Variants in KCNA1 observed in about 807,000 individuals in gnomAD.
KCNA1 encodes potassium voltage-gated channel subfamily A member 1, also known as potassium channel, voltage gated shaker related subfamily A, member 1.
KCNA1 carries 19 observed loss-of-function variants against 28.8 expected under a neutral mutation model. The ratio of observed to expected loss-of-function variants is 0.66; its 90% CI spans 0.46 to 0.97. The LOEUF is 0.97. Among genes scored for constraint, KCNA1 ranks in the 50% least tolerant of loss-of-function variants. KCNA1 has a pLI of 0.00. For missense variants in KCNA1, 419 were observed against 659.7 expected (o/e 0.64, Z 4.00); for synonymous variants, 311 against 268.8 (o/e 1.16, Z -1.53).
rs932344877 is a variant in KCNA1, at chr12:4,917,293, G to A, written c.*4427G>A. The A allele has an allele frequency of 1.8e-5, 3 of 167,020 alleles. No individual in the cohort carries two copies. The highest frequency in any genetic ancestry group is 7.2e-5 in the African/African-American group (3 of 41,434). 10.3% of individuals were successfully genotyped at this position (167,020 alleles called of 1,614,324 possible). ...GAGGTGAACTCTCATTCACCATGTGGCATATTACTACCTGTATTTATATCA... is the reference window on the plus strand; with the variant it reads ...GAGGTGAACTCTCATTCACCATGTGACATATTACTACCTGTATTTATATCA... On this transcript the variant is annotated 3_prime_UTR_variant, in exon 2 of 2. Transcript: ENST00000382545.
chr12:4,917,823 C>G lies in KCNA1; in HGVS notation c.*4957C>G, dbSNP rs549454829. On this transcript the variant is annotated 3_prime_UTR_variant, in exon 2 of 2. Coordinates refer to ENST00000382545, the MANE Select transcript of KCNA1 (RefSeq NM_000217.3). ...TCCTCTCCAAACCTTGCAGAAGCAC[C>G]TTTCTTCTCTTCAGCGCACTGTTTT... 6.0e-6 allele frequency: 1 copy of G among 167,052 alleles called. No individual in the cohort carries two copies. Among genetic ancestry groups the G allele is most frequent in the Non-Finnish European group, 1.5e-5 (1 of 68,128 alleles). 10.3% of individuals were successfully genotyped at this position (167,052 alleles called of 1,614,324 possible).
At position 4,917,319 on chromosome 12, in the gene KCNA1, T is replaced by C. The variant is rs986805429; in HGVS notation, c.*4453T>C. 6.0e-6 allele frequency: 1 copy of C among 167,112 alleles called. No individual in the cohort carries two copies. The highest frequency in any genetic ancestry group is 2.4e-5 in the African/African-American group (1 of 41,452). The allele number at this position is 167,112 out of a possible 1,614,324, so 10.4% of individuals were successfully genotyped here. ...CATATTACTACCTGTATTTATATCA[T>C]GGAATTTCAGGGTATATGTGAACAT... On this transcript the variant is annotated 3_prime_UTR_variant, in exon 2 of 2. Coordinates refer to ENST00000382545, the MANE Select transcript of KCNA1 (RefSeq NM_000217.3).
In KCNA1 at chr12:4,911,896, C is replaced by T; in HGVS notation, c.518C>T (p.Ser173Phe). ...SGPARVIAIV[S>F]VMVILISIVI... is the part of the protein sequence containing the mutation. ...CCCGCCAGGGTCATCGCCATCGTCT[C>T]CGTCATGGTCATCCTCATCTCCATC... Residue 173 changes from serine (S) to phenylalanine (F), a missense_variant, in exon 2 of 2, where the codon TCC becomes TTC. Coordinates refer to ENST00000382545, the MANE Select transcript of KCNA1 (RefSeq NM_000217.3). The surrounding 1 kb of genome is among the most constrained non-coding windows in gnomAD (Gnocchi z 6.6). 1 of 1,614,108 alleles carries T rather than the reference C, an allele frequency of 6.2e-7. No individual in the cohort carries two copies. The highest frequency in any genetic ancestry group is 8.5e-7 in the Non-Finnish European group (1 of 1,180,014).
At position 4,912,122 on chromosome 12, in the gene KCNA1, C is replaced by T. The variant is rs1947356225; in HGVS notation, c.744C>T (p.Asp248=). Residue 248 remains aspartate (D), a synonymous_variant, in exon 2 of 2, where the codon GAC becomes GAT. Transcript: ENST00000382545. ...VRFFACPSKT[D]FFKNIMNFID... is the part of the protein sequence containing the mutation. ...TCTTCGCCTGCCCCAGCAAGACGGA[C>T]TTCTTCAAAAACATCATGAACTTCA... The T allele has an allele frequency of 3.1e-6, 5 of 1,614,086 alleles. No homozygotes were observed. Among genetic ancestry groups the T allele is most frequent in the Non-Finnish European group, 4.2e-6 (5 of 1,180,016 alleles).
Position 4,918,256 on chromosome 12 carries a change from A to T in KCNA1, c.*5390A>T, listed in dbSNP as rs1173634951. 6.0e-6 allele frequency: 1 copy of T among 166,756 alleles called. No homozygotes were observed. The highest frequency in any genetic ancestry group is 1.9e-4 in the East Asian group (1 of 5,194). The allele number at this position is 166,756 out of a possible 1,614,324, so 10.3% of individuals were successfully genotyped here. A position where few individuals can be genotyped will look rare whatever the true frequency, so the allele number is the denominator to read the frequency against. On this transcript the variant is annotated 3_prime_UTR_variant, in exon 2 of 2. Transcript: ENST00000382545. ...TACTTTTTAAGGATCTTATCAAGGA[A>T]TATCTTGACTGGTTATTTGTCTCTT... is the stretch of plus-strand genomic sequence containing the variant.
chr12:4,911,300 TCCC>T lies in KCNA1; in HGVS notation c.-74_-72del. 8.8e-7 allele frequency: 1 copy of T among 1,138,944 alleles called. No homozygotes were observed. The highest frequency in any genetic ancestry group is 1.3e-6 in the Non-Finnish European group (1 of 787,194). The allele number at this position is 1,138,944 out of a possible 1,614,324, so 70.6% of individuals were successfully genotyped here. ...CGCTCCGGTGGGGGGGCCGCTTGGG[TCCC>T]CCCCACCCCTGGTCCCTGGCTGCTT... On this transcript the variant is annotated 5_prime_UTR_variant, in exon 2 of 2. Transcript: ENST00000382545. The surrounding 1 kb of genome is among the most constrained non-coding windows in gnomAD (Gnocchi z 6.6).
rs1018012077 is a variant in KCNA1 at position 4,912,527 on chromosome 12, T to C, written c.1149T>C (p.Ile383=). ...ACGGTGACATGTACCCTGTGACAAT[T>C]GGAGGCAAGATCGTGGGCTCCTTGT... ...VGYGDMYPVT[I]GGKIVGSLCA... The change falls in exon 2 of 2, where the codon ATT becomes ATC. Residue 383 remains isoleucine (I), a synonymous_variant. Coordinates refer to ENST00000382545, the MANE Select transcript of KCNA1 (RefSeq NM_000217.3). 9.3e-6 allele frequency: 15 copies of C among 1,613,758 alleles called. No homozygotes were observed. The highest frequency in any genetic ancestry group is 1.3e-5 in the Non-Finnish European group (15 of 1,179,992).
Position 4,914,951 on chromosome 12 carries a change from C to T in KCNA1, c.*2085C>T, listed in dbSNP as rs1159470454. 4.2e-5 allele frequency: 7 copies of T among 167,150 alleles called. No individual in the cohort carries two copies. The Admixed American group carries it at 4.6e-4, about 11-fold the overall frequency. 10.4% of individuals were successfully genotyped at this position (167,150 alleles called of 1,614,324 possible). A position where few individuals can be genotyped will look rare whatever the true frequency, so the allele number is the denominator to read the frequency against. On this transcript the variant is annotated 3_prime_UTR_variant, in exon 2 of 2. Coordinates refer to ENST00000382545, the MANE Select transcript of KCNA1 (RefSeq NM_000217.3). The stretch of plus-strand genomic sequence containing the variant: ...TCCTTATTTTTTTCTCTGTCGGTAA[C>T]AGCACTTTGCAAATCTCTCTGACGG...
rs770849823 is a variant in KCNA1, at chr12:4,911,651, C to T, written c.273C>T (p.Ala91=). ...ACCGCAACCGGCCCAGCTTCGACGC[C>T]ATCCTCTACTACTACCAGTCCGGCG... The part of the protein sequence containing the change: ...FFDRNRPSFD[A]ILYYYQSGGR... Residue 91 remains alanine, a synonymous_variant, in exon 2 of 2, where the codon GCC becomes GCT. Coordinates refer to ENST00000382545, the MANE Select transcript of KCNA1 (RefSeq NM_000217.3). The surrounding 1 kb of genome is among the most constrained non-coding windows in gnomAD (Gnocchi z 6.6). 1.2e-6 allele frequency: 2 copies of T among 1,614,224 alleles called. No homozygotes were observed. The highest frequency in any genetic ancestry group is 1.7e-6 in the Non-Finnish European group (2 of 1,180,046).
Position 4,912,878 on chromosome 12 carries a change from A to C in KCNA1, c.*12A>C, listed in dbSNP as rs1947361378. The C allele has an allele frequency of 6.3e-7, 1 of 1,584,620 alleles. No homozygotes were observed. Among genetic ancestry groups the C allele is most frequent in the Non-Finnish European group, 8.7e-7 (1 of 1,153,314 alleles). On this transcript the variant is annotated 3_prime_UTR_variant, in exon 2 of 2. Transcript: ENST00000382545. ...TGACCGATGTTTAAAAAACAAAGGC[A>C]AGCAAACAAAAAAGCCCCACTTAGC...
At position 4,910,340 on chromosome 12, in the gene KCNA1, G is replaced by C. The variant is rs1947341113; in HGVS notation, c.-672G>C. ...ACGAGTGGACCAGGGCGGCGAGTTT[G>C]CCCGGCGCGTCTCGGATGCTGCTGC... On this transcript the variant is annotated 5_prime_UTR_variant, in exon 1 of 2. Transcript: ENST00000382545. This position sits in a 1 kb window ranked among gnomAD's most constrained non-coding sequence, Gnocchi z 4.9. The C allele has an allele frequency of 6.6e-6, 1 of 152,248 alleles. No homozygotes were observed. The highest frequency in any genetic ancestry group is 1.5e-5 in the Non-Finnish European group (1 of 68,108). 9.4% of individuals were successfully genotyped at this position (152,248 alleles called of 1,614,324 possible). A position where few individuals can be genotyped will look rare whatever the true frequency, so the allele number is the denominator to read the frequency against.
In KCNA1 at chr12:4,912,791, C is replaced by T. The variant is rs768963686; in HGVS notation, c.1413C>T (p.Val471=). 6.2e-7 allele frequency: 1 copy of T among 1,613,990 alleles called. No homozygotes were observed. Among genetic ancestry groups the T allele is most frequent in the Non-Finnish European group, 8.5e-7 (1 of 1,179,966 alleles). The change falls in exon 2 of 2, where the codon GTC becomes GTT. Residue 471 remains valine, a synonymous_variant. Transcript: ENST00000382545. ...MNNSIAHYRQ[V]NIRTANCTTA... ...ATAGCATAGCCCATTATAGACAGGTCAATATCAGAACTGCCAATTGCACCA... is the reference window on the plus strand; with the variant it reads ...ATAGCATAGCCCATTATAGACAGGTTAATATCAGAACTGCCAATTGCACCA...
In KCNA1 at chr12:4,911,328, T is replaced by C. The variant is rs766225126; in HGVS notation, c.-51T>C. On this transcript the variant is annotated 5_prime_UTR_variant, in exon 2 of 2. Coordinates refer to ENST00000382545, the MANE Select transcript of KCNA1 (RefSeq NM_000217.3). This position sits in a 1 kb window ranked among gnomAD's most constrained non-coding sequence, Gnocchi z 6.6. ...CCCCCACCCCTGGTCCCTGGCTGCT[T>C]CCCACCCCGGGCTCTCTCCTGGCCT... 2 of 1,581,256 alleles carry C rather than the reference T, an allele frequency of 1.3e-6. No homozygotes were observed. Among genetic ancestry groups the C allele is most frequent in the South Asian group, 2.3e-5 (2 of 88,700 alleles).
At position 4,911,988 on chromosome 12, in the gene KCNA1, C is replaced by T; in HGVS notation, c.610C>T (p.Arg204Cys). The T allele has an allele frequency of 1.9e-6, 3 of 1,614,138 alleles. No individual in the cohort carries two copies. The highest frequency in any genetic ancestry group is 1.7e-5 in the Admixed American group (1 of 60,014). Residue 204 changes from arginine to cysteine, a missense_variant, in exon 2 of 2, where the codon CGC becomes TGC. This residue lies in a region of KCNA1 where 217 missense variants were observed against 329.6 expected (regional missense o/e 0.66). Coordinates refer to ENST00000382545, the MANE Select transcript of KCNA1 (RefSeq NM_000217.3). This position sits in a 1 kb window ranked among gnomAD's most constrained non-coding sequence, Gnocchi z 6.6. ...CAAGGACTTCACGGGCACCGTCCAC[C>T]GCATCGACAACACCACGGTCATCTA... ...DDKDFTGTVH[R>C]IDNTTVIYNS...
Position 4,915,523 on chromosome 12 carries a change from G to A in KCNA1, c.*2657G>A, listed in dbSNP as rs1189231796. On this transcript the variant is annotated 3_prime_UTR_variant, in exon 2 of 2. Transcript: ENST00000382545. ...CTGTGAGATGAACACAACACACATC[G>A]TGGAAGATGAGGGGCCAAGAACTGC... The A allele has an allele frequency of 6.0e-6, 1 of 167,098 alleles. No individual in the cohort carries two copies. The highest frequency in any genetic ancestry group is 2.4e-5 in the African/African-American group (1 of 41,462). The allele number at this position is 167,098 out of a possible 1,614,324, so 10.4% of individuals were successfully genotyped here.
rs1225040543 is a variant in KCNA1, at chr12:4,911,339, G to A, written c.-40G>A. On this transcript the variant is annotated 5_prime_UTR_variant, in exon 2 of 2. Transcript: ENST00000382545. The surrounding 1 kb of genome is among the most constrained non-coding windows in gnomAD (Gnocchi z 6.6). Reference sequence around the variant, plus strand: ...GGTCCCTGGCTGCTTCCCACCCCGGGCTCTCTCCTGGCCTCCCACCCCCGC... The same window carrying A: ...GGTCCCTGGCTGCTTCCCACCCCGGACTCTCTCCTGGCCTCCCACCCCCGC... 4 of 1,599,672 alleles carry A rather than the reference G, an allele frequency of 2.5e-6. No homozygotes were observed. Among genetic ancestry groups the A allele is most frequent in the South Asian group, 1.1e-5 (1 of 89,906 alleles).
In KCNA1 at chr12:4,913,172, A is replaced by C; in HGVS notation, c.*306A>C. The C allele has an allele frequency of 2.9e-6, 1 of 344,218 alleles. No homozygotes were observed. The highest frequency in any genetic ancestry group is 4.7e-5 in the Admixed American group (1 of 21,416). 21.3% of individuals were successfully genotyped at this position (344,218 alleles called of 1,614,324 possible). A position where few individuals can be genotyped will look rare whatever the true frequency, so the allele number is the denominator to read the frequency against. ...AACTAGTCTAGGTAAAATAATAATC[A>C]TATGCTTCCCCAAACTGAAACATTT... On this transcript the variant is annotated 3_prime_UTR_variant, in exon 2 of 2. Coordinates refer to ENST00000382545, the MANE Select transcript of KCNA1 (RefSeq NM_000217.3).
rs899527136 is a variant in KCNA1, at chr12:4,913,358, C to A, written c.*492C>A. ...GATGTATTATATGTAACATGATAGA[C>A]CAGCCAAAATGGACAATGAATAGAT... On this transcript the variant is annotated 3_prime_UTR_variant, in exon 2 of 2. Transcript: ENST00000382545. 5.4e-6 allele frequency: 1 copy of A among 185,458 alleles called. No homozygotes were observed. Among genetic ancestry groups the A allele is most frequent in the Non-Finnish European group, 1.3e-5 (1 of 79,464 alleles). 11.5% of individuals were successfully genotyped at this position (185,458 alleles called of 1,614,324 possible). A position where few individuals can be genotyped will look rare whatever the true frequency, so the allele number is the denominator to read the frequency against.
Sources: allele counts gnomAD v4.1 joint callset, GRCh38; gene constraint gnomAD v4.1.1; regional missense constraint gnomAD v4.1.1; non-coding constraint Gnocchi (gnomAD v3.1); transcripts MANE v1.5; gene names NCBI Gene and HGNC (gene_info 2026-07-23, HGNC 2026-07-21).